Variants in GOSR1 observed in about 807,000 individuals in gnomAD.
The protein encoded by GOSR1 is golgi SNAP receptor complex member 1.
Under a neutral mutation model 35.5 loss-of-function variants are expected in GOSR1, and 21 were observed. That is an observed-to-expected ratio of 0.59 (90% CI 0.42 to 0.85). The LOEUF is 0.85. Among genes scored for constraint, GOSR1 ranks in the 40% least tolerant of loss-of-function variants. The pLI is 0.00. For synonymous variants in GOSR1, 94 were observed against 106.6 expected, an observed-to-expected ratio of 0.88 and a Z score of 0.73; for missense variants, 285 against 309.6, an observed-to-expected ratio of 0.92 and a Z score of 0.60.
chr17:30,484,816 G>GT (rs371433527), intron 4 of GOSR1, 46 bp downstream of exon 4: 67,685 of 654,906 alleles, frequency 0.1, 2 homozygotes, highest in South Asian at 0.13. Context: ...AGGAGTTTGG[G>GT]TTTTTTTTTT....
intron 6 of GOSR1, among the ~76,000 whole-genome samples, chr17:30,508,655 G>C (rs1339174883): frequency 1.3e-5 from 2 of 152,176 alleles, no homozygotes; most frequent in African/African-American, 2.4e-5. Flanking sequence ...CATCAGAATA[G>C]TGAGTTTATC....
At position 30,526,458 on chromosome 17, in the gene GOSR1, C is replaced by G. The variant is rs1968183990; in HGVS notation, c.*4080C>G. 6.6e-6 allele frequency: 1 copy of G among 152,090 alleles called. No homozygotes were observed. Among genetic ancestry groups the G allele is most frequent in the Non-Finnish European group, 1.5e-5 (1 of 68,028 alleles). 9.4% of individuals were successfully genotyped at this position (152,090 alleles called of 1,614,324 possible). On this transcript the variant is annotated 3_prime_UTR_variant, in exon 9 of 9. Transcript: ENST00000451249. Reference sequence around the variant, plus strand: ...GCCAGGAGTTTGAGACCAGCCTGGGCAATGTAGCAAGACTCTGTCTCTGCA... The same window carrying G: ...GCCAGGAGTTTGAGACCAGCCTGGGGAATGTAGCAAGACTCTGTCTCTGCA...
chr17:30,519,135 G>A (rs772550985), intron 7 of GOSR1, among the ~76,000 whole-genome samples: 26 of 151,932 alleles, frequency 1.7e-4, no homozygotes, highest in Non-Finnish European at 3.1e-4. Flanking sequence ...ATCACAGCTC[G>A]CTGTAGCCCC....
chr17:30,477,610 G>T (rs1317986911), intron 1 of GOSR1, 146 bp downstream of exon 1: 10 of 1,379,170 alleles, frequency 7.3e-6, no homozygotes, highest in Non-Finnish European at 9.5e-6. Context: ...GGGATCCCCG[G>T]GGCCTTGGGG....
intron 2 of GOSR1, 111 bp downstream of exon 2, chr17:30,481,368 GTGTTT>G: frequency 1.4e-6 from 1 of 717,528 alleles, no homozygotes; most frequent in Non-Finnish European, 2.2e-6. Context: ...TGAATTTTTG[GTGTTT>G]TGTTTTGCCA....
intron 8 of GOSR1, 174 bp downstream of exon 8, chr17:30,520,195 C>G (rs1342084510): frequency 7.9e-6 from 4 of 506,226 alleles, no homozygotes; most frequent in Non-Finnish European, 1.4e-5. Context: ...CTCTTTAGTA[C>G]CATTCCTAAA....
At chr17:30,501,641 G>A (rs1009204955) in intron 6 of GOSR1, among the ~76,000 whole-genome samples, 24 of 152,044 alleles carry the variant, frequency 1.6e-4, no homozygotes, top group African/African-American at 5.8e-4. Context: ...GATTACAGGT[G>A]CGTGCCACCA....
At chr17:30,496,740 G>A (rs1967021058) in intron 6 of GOSR1, among the ~76,000 whole-genome samples, 2 of 152,288 alleles carry the variant, frequency 1.3e-5, no homozygotes, top group Middle Eastern at 3.4e-3. Flanking sequence ...CAATGTCATA[G>A]GGAAAGCAAT....
chr17:30,527,102 A>C lies in GOSR1; in HGVS notation c.*4724A>C, dbSNP rs1361730724. ...GCTGGGTGCAGTGGCTAACACCTGT[A>C]ATCCCAGCAGTTCGAGAGGCCGAGG... is the stretch of plus-strand genomic sequence containing the variant. On this transcript the variant is annotated 3_prime_UTR_variant, in exon 9 of 9. Transcript: ENST00000451249. The C allele has an allele frequency of 6.6e-6, 1 of 152,248 alleles. No homozygotes were observed. Among genetic ancestry groups the C allele is most frequent in the African/African-American group, 2.4e-5 (1 of 41,460 alleles). 9.4% of individuals were successfully genotyped at this position (152,248 alleles called of 1,614,324 possible). A position where few individuals can be genotyped will look rare whatever the true frequency, so the allele number is the denominator to read the frequency against.
chr17:30,499,342 CTTTT>C (rs3039523), intron 6 of GOSR1, among the ~76,000 whole-genome samples: 1 of 133,714 alleles, frequency 7.5e-6, no homozygotes, highest in African/African-American at 2.8e-5. Flanking sequence ...TCTCATTCCT[CTTTT>C]TTTTTTTTTT....
intron 3 of GOSR1, 140 bp from the exon 4 acceptor site, chr17:30,484,523 T>C (rs1567897369): frequency 1.7e-6 from 1 of 595,394 alleles, no homozygotes; most frequent in South Asian, 2.1e-5. Context: ...TCTTACTTGC[T>C]CTCTTGTTTG....
At chr17:30,508,859 CCT>C (rs1364489616) in intron 6 of GOSR1, among the ~76,000 whole-genome samples, 3 of 152,102 alleles carry the variant, frequency 2.0e-5, no homozygotes, top group African/African-American at 7.2e-5. Context: ...AGAAACTTGC[CCT>C]GTGTCAAATA....
At chr17:30,516,075 T>G (rs1456128334) in intron 7 of GOSR1, among the ~76,000 whole-genome samples, 1 of 152,180 alleles carries the variant, frequency 6.6e-6, no homozygotes, top group East Asian at 1.9e-4. Context: ...CAAGTGGAAT[T>G]TTTCTAATGT....
Position 30,481,274 on chromosome 17 carries a change from A to T in GOSR1, c.146+17A>T. 4 of 1,588,056 alleles carry T rather than the reference A, an allele frequency of 2.5e-6. No individual in the cohort carries two copies. The highest frequency in any genetic ancestry group is 3.5e-6 in the Non-Finnish European group (4 of 1,157,638). ...ACGCGACAGGTATAGGTACTACCAG[A>T]TTCTGTCTCCTATGCCTTAACTGTG... On this transcript the variant is annotated intron_variant, in intron 2 of 8. Coordinates refer to ENST00000451249, the MANE Select transcript of GOSR1 (RefSeq NM_001007025.2).
At chr17:30,508,986 T>A (rs1490222902) in intron 6 of GOSR1, among the ~76,000 whole-genome samples, 1 of 152,144 alleles carries the variant, frequency 6.6e-6, no homozygotes, top group African/African-American at 2.4e-5. Context: ...ATGACTTTTT[T>A]TTTTTCCTGA....
intron 6 of GOSR1, among the ~76,000 whole-genome samples, chr17:30,494,192 A>AACACACACAT (rs1555614511): frequency 3.3e-5 from 5 of 150,414 alleles, no homozygotes; most frequent in Non-Finnish European, 7.4e-5. Flanking sequence ...GCCATACTTA[A>AACACACACAT]ACACACACAC....
intron 4 of GOSR1, among the ~76,000 whole-genome samples, chr17:30,487,577 C>T (rs1032031683): frequency 6.6e-6 from 1 of 152,020 alleles, no homozygotes; most frequent in African/African-American, 2.4e-5. Flanking sequence ...ATACAGAAAT[C>T]TAAAAGAGGT....
chr17:30,494,346 T>C (rs987095292), intron 6 of GOSR1, among the ~76,000 whole-genome samples: 1 of 152,206 alleles, frequency 6.6e-6, no homozygotes, highest in Admixed American at 6.5e-5. Flanking sequence ...AAAGTAACTT[T>C]CGTTTTTGGC....
At chr17:30,496,811 A>G (rs1309293213) in intron 6 of GOSR1, among the ~76,000 whole-genome samples, 1 of 152,220 alleles carries the variant, frequency 6.6e-6, no homozygotes. Flanking sequence ...AGAGGCATGA[A>G]TTCTGAAATT....
Sources: allele counts gnomAD v4.1 joint callset (sites outside exome capture counted in the v4.1 genomes callset), GRCh38; gene constraint gnomAD v4.1.1; transcripts MANE v1.5; gene names NCBI Gene and HGNC (gene_info 2026-07-23, HGNC 2026-07-21).